CTNNA2: variants seen among roughly 807,000 people sequenced by gnomAD.
The protein encoded by CTNNA2 is catenin alpha-2.
A neutral mutation model predicts 101.0 loss-of-function variants in CTNNA2; 42 were observed. The observed-to-expected ratio is 0.42, with a 90% CI of 0.32 to 0.54. The LOEUF is 0.54. CTNNA2 is among the 20% of genes least tolerant of loss of function. The pLI, the probability that CTNNA2 is intolerant of heterozygous loss-of-function variation, is 0.14. For synonymous variants in CTNNA2, 450 were observed against 456.4 expected (o/e 0.99, Z 0.18); for missense variants, 871 against 1,223.1 (o/e 0.71, Z 4.29).
At chr2:80,012,980 A>T (rs1039047923) in intron 7 of CTNNA2, among the ~76,000 whole-genome samples, 1 of 152,162 alleles carries the variant, frequency 6.6e-6, no homozygotes, top group African/African-American at 2.4e-5. Flanking sequence ...TCTGGGCAAC[A>T]TAATGAGACT....
intron 9 of CTNNA2, among the ~76,000 whole-genome samples, chr2:80,476,687 C>A (rs946646397): frequency 6.6e-6 from 1 of 152,102 alleles, no homozygotes; most frequent in African/African-American, 2.4e-5. Context: ...ACTGACAACA[C>A]CACAATGCTC....
intron 7 of CTNNA2, among the ~76,000 whole-genome samples, chr2:80,200,519 A>AGTTTGTTT (rs112399723): frequency 3.0e-4 from 46 of 151,088 alleles, no homozygotes; most frequent in African/African-American, 8.8e-4. Context: ...TATTAAAGTG[A>AGTTTGTTT]GTTTGTTTGT....
At chr2:80,101,535 G>C (rs6717122) in intron 7 of CTNNA2, among the ~76,000 whole-genome samples, 149,190 of 152,354 alleles carry the variant, frequency 0.98, 73,054 homozygotes, top group East Asian at 1. Flanking sequence ...AAGTCTATGC[G>C]TGATAGCCTA....
intron 7 of CTNNA2, among the ~76,000 whole-genome samples, chr2:79,991,293 CA>C (rs2103896973): frequency 6.6e-6 from 1 of 152,266 alleles, no homozygotes; most frequent in East Asian, 1.9e-4. Flanking sequence ...GTAGGAAATA[CA>C]AAGCTACAGT....
At chr2:80,625,692 T>C (rs34324317) in intron 18 of CTNNA2, among the ~76,000 whole-genome samples, 54,974 of 151,552 alleles carry the variant, frequency 0.36, 10,635 homozygotes, top group East Asian at 0.45. Flanking sequence ...TTTATCATCC[T>C]TTCTTCCATT....
intron 7 of CTNNA2, among the ~76,000 whole-genome samples, chr2:79,952,743 T>C (rs1165149975): frequency 6.6e-6 from 1 of 152,198 alleles, no homozygotes; most frequent in African/African-American, 2.4e-5. Flanking sequence ...GGCGCATGTT[T>C]TTGTAAATAA....
chr2:79,464,833 T>A (rs1187728266), intron 4 of CTNNA2, among the ~76,000 whole-genome samples: 1 of 151,748 alleles, frequency 6.6e-6, no homozygotes, highest in Non-Finnish European at 1.5e-5. Flanking sequence ...ATGAAGTTGT[T>A]TTTTTTTTCT....
intron 1 of CTNNA2, among the ~76,000 whole-genome samples, chr2:79,554,773 G>A (rs537811137): frequency 6.6e-6 from 1 of 152,248 alleles, no homozygotes; most frequent in South Asian, 2.1e-4. Context: ...GGAGGTTATT[G>A]TCATTATTTC....
intron 15 of CTNNA2, among the ~76,000 whole-genome samples, chr2:80,590,434 GT>G (rs35358032): frequency 7.5e-5 from 3 of 39,756 alleles, no homozygotes; most frequent in South Asian, 5.1e-4. Flanking sequence ...TTACTGTAGT[GT>G]TTTTTTTTCT....
chr2:80,010,920 G>T (rs1038736505), intron 7 of CTNNA2, among the ~76,000 whole-genome samples: 10 of 152,052 alleles, frequency 6.6e-5, no homozygotes, highest in Non-Finnish European at 1.3e-4. Context: ...CTGTAAAATT[G>T]AGGGTCTCCA....
At chr2:79,978,960 A>C (rs537528108) in intron 7 of CTNNA2, among the ~76,000 whole-genome samples, 20 of 152,184 alleles carry the variant, frequency 1.3e-4, no homozygotes, top group Non-Finnish European at 2.6e-4. Flanking sequence ...CATTTGCTCA[A>C]TGTCAAGACT....
At chr2:79,606,599 T>C (rs916099196) in intron 1 of CTNNA2, among the ~76,000 whole-genome samples, 1 of 152,146 alleles carries the variant, frequency 6.6e-6, no homozygotes, top group Non-Finnish European at 1.5e-5. Context: ...AATAATAACA[T>C]CATGGTATAG....
rs57073635 is a variant in CTNNA2 at position 80,364,556 on chromosome 2, A to ATTTTTT, written c.1057-28640_1057-28635dup. On this transcript the variant is annotated intron_variant, in intron 7 of 18. Transcript: ENST00000402739. ...CTGTATTATAATTTGAGAGAAAGTAATTTTTTTTTTTTTTTTTTTTCTGAT... is the reference window on the plus strand; with the variant it reads ...CTGTATTATAATTTGAGAGAAAGTAATTTTTTTTTTTTTTTTTTTTTTTTTTCTGAT... 4.5e-4 allele frequency among the ~76,000 whole-genome samples: 56 copies of ATTTTTT among 123,492 alleles called. 1 individual carries two copies. The highest frequency in any genetic ancestry group is 1.5e-3 in the East Asian group (6 of 3,940). The allele number at this position is 123,492 out of a possible 152,430, so 81.0% of individuals were successfully genotyped here. A position where few individuals can be genotyped will look rare whatever the true frequency, so the allele number is the denominator to read the frequency against.
At chr2:80,255,809 A>G (rs1280205932) in intron 7 of CTNNA2, among the ~76,000 whole-genome samples, 1 of 152,180 alleles carries the variant, frequency 6.6e-6, no homozygotes, top group African/African-American at 2.4e-5. Context: ...GGTATTTTAC[A>G]TTTATGAACT....
chr2:80,575,293 A>G lies in CTNNA2; in HGVS notation c.1893+979A>G, dbSNP rs12612505. On this transcript the variant is annotated intron_variant, in intron 13 of 18. Coordinates refer to ENST00000402739, the MANE Select transcript of CTNNA2 (RefSeq NM_001282597.3). The stretch of plus-strand genomic sequence containing the variant: ...AATATTCTAGTAAACACACTACAAA[A>G]GCAAAAAGATGAAATTAATTATAAT... The G allele has an allele frequency of 3.3e-5, 5 of 152,208 alleles. No individual in the cohort carries two copies. The East Asian group carries it at 7.7e-4, about 23-fold the overall frequency. The allele number at this position is 152,208 out of a possible 1,614,324, so 9.4% of individuals were successfully genotyped here.
chr2:79,465,446 G>A (rs1304153490), intron 4 of CTNNA2, among the ~76,000 whole-genome samples: 1 of 152,120 alleles, frequency 6.6e-6, no homozygotes, highest in Non-Finnish European at 1.5e-5. Context: ...TTTTGGCTTA[G>A]GATTGTCTTG....
intron 13 of CTNNA2, chr2:80,579,536 A>C (rs1695350428): frequency 6.6e-6 from 1 of 152,216 alleles, no homozygotes; most frequent in Non-Finnish European, 1.5e-5. Flanking sequence ...CACAATAAAA[A>C]TACAACCAGT....
Position 79,779,846 on chromosome 2 carries a change from T to A in CTNNA2, c.298+35264T>A, listed in dbSNP as rs74395886. 3.8e-3 allele frequency among the ~76,000 whole-genome samples: 578 copies of A among 152,242 alleles called. 3 individuals are homozygous for A. The highest frequency in any genetic ancestry group is 0.013 in the African/African-American group (535 of 41,536). On this transcript the variant is annotated intron_variant, in intron 3 of 18. Transcript: ENST00000402739. ...CATCTGAATGGACCCCTCTTCCTCCTGGTCCAGGGCATTCCAAAGTTAACC... is the reference window on the plus strand; with the variant it reads ...CATCTGAATGGACCCCTCTTCCTCCAGGTCCAGGGCATTCCAAAGTTAACC...
At chr2:79,601,266 G>A (rs920794700) in intron 1 of CTNNA2, among the ~76,000 whole-genome samples, 1 of 152,174 alleles carries the variant, frequency 6.6e-6, no homozygotes, top group African/African-American at 2.4e-5. Flanking sequence ...CACTTCACCT[G>A]CATGTCACTT....
Sources: gnomAD v4.1 joint callset for allele counts (sites outside exome capture counted in the v4.1 genomes callset) on GRCh38, gnomAD v4.1.1 for gene constraint, MANE v1.5 for transcripts, NCBI Gene and HGNC (gene_info 2026-07-23, HGNC 2026-07-21) for gene names.